GPC3: variants seen among roughly 807,000 people sequenced by gnomAD.
GPC3 encodes glypican-3.
GPC3 carries 3 observed loss-of-function variants against 34.4 expected under a neutral mutation model. The ratio of observed to expected loss-of-function variants is 0.09; its 90% confidence interval spans 0.04 to 0.23. GPC3 has a LOEUF of 0.23. Ranked by LOEUF, GPC3 falls within the 10% of genes least tolerant of loss-of-function variation. The pLI, the probability that GPC3 is intolerant of heterozygous loss-of-function variation, is 1.00. For missense variants in GPC3, 351 were observed against 445.6 expected (o/e 0.79, Z 1.91); for synonymous variants, 177 against 174.0 (o/e 1.02, Z -0.13).
rs140343428 is a variant in GPC3 at position 133,605,017 on chromosome X, C to T, written c.1414-8418G>A. Among the ~76,000 whole-genome samples, 75 of 112,062 alleles carry T rather than the reference C, an allele frequency of 6.7e-4. 1 individual carries two copies. The East Asian group carries it at 0.018, about 27-fold the overall frequency. ...TTGTGCACATCCACAAGGCCTAGCA[C>T]GTGACCTGTGTTTTGCGTGCACACT... On this transcript the variant is annotated intron_variant, in intron 6 of 7. Transcript: ENST00000370818.
chrX:133,642,640 C>G (rs976486149), intron 6 of GPC3, among the ~76,000 whole-genome samples: 1 of 109,142 alleles, frequency 9.2e-6, no homozygotes, highest in African/African-American at 3.3e-5. Flanking sequence ...GGCGTGGTGG[C>G]GCATGCCTGT....
At chrX:133,805,487 A>G (rs755826351) in intron 2 of GPC3, among the ~76,000 whole-genome samples, 1 of 112,267 alleles carries the variant, frequency 8.9e-6, no homozygotes, top group Non-Finnish European at 1.9e-5. Flanking sequence ...GAATGTGGTC[A>G]TCAGTGAATG....
intron 6 of GPC3, among the ~76,000 whole-genome samples, chrX:133,620,036 C>A (rs770271578): frequency 2.8e-5 from 3 of 108,505 alleles, no homozygotes; most frequent in Non-Finnish European, 5.7e-5. Flanking sequence ...CTGGCTAACA[C>A]GGTGAAACCC....
chrX:133,826,492 T>C (rs978406274), intron 2 of GPC3, among the ~76,000 whole-genome samples: 6 of 111,226 alleles, frequency 5.4e-5, no homozygotes, highest in Non-Finnish European at 1.1e-4. Context: ...TGAGATCATT[T>C]GGTTGGGGAA....
intron 2 of GPC3, among the ~76,000 whole-genome samples, chrX:133,824,206 T>C (rs1164623853): frequency 9.0e-6 from 1 of 111,531 alleles, no homozygotes; most frequent in Non-Finnish European, 1.9e-5. Context: ...AAATGATAGA[T>C]ATAGATCCAA....
intron 3 of GPC3, among the ~76,000 whole-genome samples, chrX:133,717,572 C>T (rs756084910): frequency 1.4e-4 from 15 of 111,006 alleles, no homozygotes; most frequent in South Asian, 1.2e-3. Flanking sequence ...CCCAGTCATG[C>T]ACCCCCTGCT....
intron 6 of GPC3, among the ~76,000 whole-genome samples, chrX:133,658,644 C>G (rs1241285781): frequency 9.0e-6 from 1 of 111,544 alleles, no homozygotes. Context: ...GAAAAAAAAT[C>G]AATGTGGGTG....
At chrX:133,923,767 C>T (rs1018717782) in intron 2 of GPC3, among the ~76,000 whole-genome samples, 6 of 112,353 alleles carry the variant, frequency 5.3e-5, no homozygotes, top group African/African-American at 1.6e-4. Flanking sequence ...AAGCAAGTCA[C>T]CCTCAAGCTG....
intron 2 of GPC3, among the ~76,000 whole-genome samples, chrX:133,896,628 T>C (rs1212705957): frequency 2.7e-5 from 3 of 111,674 alleles, no homozygotes; most frequent in Non-Finnish European, 5.6e-5. Context: ...TGAGCTCTCT[T>C]TACATGAATG....
chrX:133,969,378 G>A (rs2076480162), intron 1 of GPC3, among the ~76,000 whole-genome samples: 1 of 111,776 alleles, frequency 8.9e-6, no homozygotes, highest in Admixed American at 9.5e-5. Flanking sequence ...GATATACAAG[G>A]AGCTAAAGAA....
intron 6 of GPC3, among the ~76,000 whole-genome samples, chrX:133,659,696 T>C (rs909804457): frequency 8.9e-6 from 1 of 111,897 alleles, no homozygotes; most frequent in Non-Finnish European, 1.9e-5. Flanking sequence ...GCTGAGTACA[T>C]AGTAGGTAAT....
chrX:133,948,159 T>C (rs779291032), intron 2 of GPC3, among the ~76,000 whole-genome samples: 2 of 111,384 alleles, frequency 1.8e-5, no homozygotes, highest in South Asian at 7.6e-4. Flanking sequence ...CTCAAAAACA[T>C]GTTTATCAAC....
rs755278411 is a variant in GPC3 at position 133,616,203 on chromosome X, T to C, written c.1414-19604A>G. Among the ~76,000 whole-genome samples, 11 of 112,033 alleles carry C rather than the reference T, an allele frequency of 9.8e-5. No homozygotes were observed. The South Asian group carries it at 4.1e-3, about 42-fold the overall frequency. ...TTCAGCGAGATTGTAGAATACACGATTGATATAATAAATTAATTGTATAGA... is the reference window on the plus strand; with the variant it reads ...TTCAGCGAGATTGTAGAATACACGACTGATATAATAAATTAATTGTATAGA... On this transcript the variant is annotated intron_variant, in intron 6 of 7. Coordinates refer to ENST00000370818, the MANE Select transcript of GPC3 (RefSeq NM_004484.4).
At chrX:133,659,591 TTTAACCACTTC>T (rs2070698716) in intron 6 of GPC3, among the ~76,000 whole-genome samples, 1 of 111,950 alleles carries the variant, frequency 8.9e-6, no homozygotes, top group African/African-American at 3.2e-5. Flanking sequence ...TTTATCTTTA[TTTAACCACTTC>T]TTATGCTTAT....
chrX:133,714,773 A>G (rs1483099274), intron 3 of GPC3, among the ~76,000 whole-genome samples: 1 of 111,737 alleles, frequency 8.9e-6, no homozygotes, highest in African/African-American at 3.3e-5. Context: ...CAGCAATCCG[A>G]GAAGCATTTA....
chrX:133,821,147 A>G (rs2075717080), intron 2 of GPC3, among the ~76,000 whole-genome samples: 1 of 112,139 alleles, frequency 8.9e-6, no homozygotes, highest in South Asian at 3.8e-4. Flanking sequence ...TGGTGAATGA[A>G]CAATGAAGGT....
At chrX:133,599,659 A>G (rs2069958629) in intron 6 of GPC3, among the ~76,000 whole-genome samples, 1 of 111,904 alleles carries the variant, frequency 8.9e-6, no homozygotes, top group Admixed American at 9.5e-5. Flanking sequence ...GCCCTCCTTT[A>G]TCATTATGTC....
chrX:133,818,042 A>G (rs1476864826), intron 2 of GPC3, among the ~76,000 whole-genome samples: 1 of 111,347 alleles, frequency 9.0e-6, no homozygotes, highest in Non-Finnish European at 1.9e-5. Context: ...TCAAGTTTGG[A>G]ACAGGAGAGG....
chrX:133,726,155 C>T (rs939172011), intron 3 of GPC3, among the ~76,000 whole-genome samples: 6 of 111,855 alleles, frequency 5.4e-5, no homozygotes, highest in Admixed American at 3.8e-4. Flanking sequence ...ATATACAAAA[C>T]AGTATCTGCC....
Sources: gnomAD v4.1 joint callset for allele counts (sites outside exome capture counted in the v4.1 genomes callset) on GRCh38, gnomAD v4.1.1 for gene constraint, MANE v1.5 for transcripts, NCBI Gene and HGNC (gene_info 2026-07-23, HGNC 2026-07-21) for gene names.